The following CACUL1 variants were observed in gnomAD, a reference collection of about 807,000 sequenced individuals.
The protein encoded by CACUL1 is CDK2 associated cullin domain 1.
In CACUL1, 13 loss-of-function variants were observed where a neutral mutation model predicts 45.2. That is an observed-to-expected ratio of 0.29 (90% CI 0.19 to 0.46). The LOEUF (loss-of-function observed/expected upper bound fraction) is 0.46, where lower values mean the gene tolerates loss of function less well. Ranked by LOEUF, CACUL1 falls within the 20% of genes least tolerant of loss-of-function variation. The pLI is 1.00. For missense variants in CACUL1, 421 were observed against 471.4 expected (o/e 0.89, Z 0.99); for synonymous variants, 197 against 174.2 (o/e 1.13, Z -1.03).
intron 1 of CACUL1, among the ~76,000 whole-genome samples, chr10:118,753,608 T>C (rs1308036618): frequency 6.6e-6 from 1 of 152,186 alleles, no homozygotes; most frequent in Non-Finnish European, 1.5e-5. Context: ...TCAGAGGCAG[T>C]TTCGGATTAC....
chr10:118,698,363 C>T (rs907431183), intron 5 of CACUL1, among the ~76,000 whole-genome samples: 4 of 152,054 alleles, frequency 2.6e-5, no homozygotes, highest in African/African-American at 9.7e-5. Context: ...AGGCTGGTCT[C>T]GATCTCCTGA....
chr10:118,696,395 C>G (rs1218997321), intron 5 of CACUL1, among the ~76,000 whole-genome samples: 1 of 152,178 alleles, frequency 6.6e-6, no homozygotes, highest in African/African-American at 2.4e-5. Flanking sequence ...GTAATCCCAA[C>G]ACTTTGGGAG....
intron 1 of CACUL1, among the ~76,000 whole-genome samples, chr10:118,746,820 C>T (rs1385326356): frequency 6.6e-6 from 1 of 152,168 alleles, no homozygotes; most frequent in East Asian, 1.9e-4. Context: ...CAAATGATCA[C>T]ATGAAAAAGC....
chr10:118,730,147 G>A (rs1234124216), intron 2 of CACUL1, 137 bp downstream of exon 2: 36 of 961,200 alleles, frequency 3.7e-5, no homozygotes, highest in East Asian at 3.0e-4. Flanking sequence ...CCTCCAATCC[G>A]TAAGTGTGGA....
At chr10:118,691,887 A>AAAAG in intron 6 of CACUL1, among the ~76,000 whole-genome samples, 1 of 138,114 alleles carries the variant, frequency 7.2e-6, no homozygotes, top group Non-Finnish European at 1.7e-5. Context: ...AAAAAAAAAA[A>AAAAG]AAAGAAAAAG....
intron 1 of CACUL1, among the ~76,000 whole-genome samples, chr10:118,746,995 T>C (rs1452868744): frequency 1.3e-5 from 2 of 152,046 alleles, no homozygotes; most frequent in Non-Finnish European, 2.9e-5. Context: ...CATTACCACC[T>C]GAGCCCCACC....
Position 118,754,493 on chromosome 10 carries a change from CATCATG to C in CACUL1, c.264_269del (p.Ile88_Met89del). On this transcript the variant is annotated inframe_deletion, in exon 1 of 9. Coordinates refer to ENST00000369151, the MANE Select transcript of CACUL1 (RefSeq NM_153810.5). Reference sequence around the variant, plus strand: ...CGGCGGCCGCGTCGCAGCTCTTCAACATCATGATCACCCCATTAGCCTCCGGCGGTG... The same window carrying C: ...CGGCGGCCGCGTCGCAGCTCTTCAACATCACCCCATTAGCCTCCGGCGGTG... 6.2e-7 allele frequency: 1 copy of C among 1,613,214 alleles called. No individual in the cohort carries two copies.
At position 118,678,642 on chromosome 10, in the gene CACUL1, T is replaced by C. The variant is rs576800242; in HGVS notation, c.*7486A>G. On this transcript the variant is annotated 3_prime_UTR_variant, in exon 9 of 9. Transcript: ENST00000369151. ...AAGTTTTTTTTTTATCATTTTCTCA[T>C]TTTAAAATTTATTCTTAGGTACTTT... The C allele has an allele frequency of 6.6e-6, 1 of 152,262 alleles. No homozygotes were observed. Among genetic ancestry groups the C allele is most frequent in the African/African-American group, 2.4e-5 (1 of 41,544 alleles). 9.4% of individuals were successfully genotyped at this position (152,262 alleles called of 1,614,324 possible).
chr10:118,733,279 T>C (rs1245106568), intron 1 of CACUL1, among the ~76,000 whole-genome samples: 3 of 152,258 alleles, frequency 2.0e-5, no homozygotes, highest in Non-Finnish European at 2.9e-5. Context: ...AAAAACCAAA[T>C]TGAAAAAGGC....
At chr10:118,694,631 A>G (rs1429417970) in intron 6 of CACUL1, among the ~76,000 whole-genome samples, 2 of 152,330 alleles carry the variant, frequency 1.3e-5, no homozygotes, top group Admixed American at 1.3e-4. Flanking sequence ...AGATAGAGAG[A>G]CACATTAAGA....
intron 1 of CACUL1, among the ~76,000 whole-genome samples, chr10:118,747,065 G>C (rs1309948899): frequency 6.6e-6 from 1 of 152,118 alleles, no homozygotes; most frequent in African/African-American, 2.4e-5. Context: ...ATAACGCAAG[G>C]GATCTAGGTT....
intron 1 of CACUL1, among the ~76,000 whole-genome samples, chr10:118,740,734 G>A (rs1044642587): frequency 6.6e-6 from 1 of 152,074 alleles, no homozygotes; most frequent in Non-Finnish European, 1.5e-5. Context: ...AGACCATCCT[G>A]GCTAACACGG....
intron 5 of CACUL1, among the ~76,000 whole-genome samples, chr10:118,700,533 T>C (rs905183625): frequency 9.9e-5 from 15 of 151,970 alleles, no homozygotes; most frequent in Non-Finnish European, 4.4e-5. Flanking sequence ...CTGGCCAACA[T>C]GGTGAAACCC....
intron 4 of CACUL1, among the ~76,000 whole-genome samples, chr10:118,704,944 G>C (rs1845419271): frequency 6.6e-6 from 1 of 152,232 alleles, no homozygotes; most frequent in Non-Finnish European, 1.5e-5. Context: ...GGGCACATCA[G>C]CATGGCCGAG....
intron 3 of CACUL1, among the ~76,000 whole-genome samples, chr10:118,725,790 A>G (rs1387288783): frequency 1.3e-5 from 2 of 152,276 alleles, no homozygotes; most frequent in African/African-American, 2.4e-5. Context: ...TACATTCAAC[A>G]AATTATTCTA....
intron 1 of CACUL1, among the ~76,000 whole-genome samples, chr10:118,750,041 G>A (rs1019781732): frequency 1.3e-5 from 2 of 152,176 alleles, no homozygotes; most frequent in African/African-American, 2.4e-5. Flanking sequence ...AAATAAGAAA[G>A]GAGGGCCGGG....
At chr10:118,707,166 G>T (rs903907806) in intron 4 of CACUL1, among the ~76,000 whole-genome samples, 19 of 152,276 alleles carry the variant, frequency 1.2e-4, no homozygotes, top group Admixed American at 2.0e-4. Flanking sequence ...CTGAGGACAA[G>T]AAATCTTACA....
At chr10:118,737,847 T>C (rs1845754384) in intron 1 of CACUL1, among the ~76,000 whole-genome samples, 1 of 152,224 alleles carries the variant, frequency 6.6e-6, no homozygotes, top group Non-Finnish European at 1.5e-5. Context: ...CATACATGCA[T>C]ACACGAAAAG....
At chr10:118,721,610 T>G (rs1422401361) in intron 3 of CACUL1, among the ~76,000 whole-genome samples, 2 of 152,134 alleles carry the variant, frequency 1.3e-5, no homozygotes, top group African/African-American at 4.8e-5. Flanking sequence ...AACAGGACCC[T>G]GAATGCAGGT....
Sources: allele counts gnomAD v4.1 joint callset (sites outside exome capture counted in the v4.1 genomes callset), GRCh38; gene constraint gnomAD v4.1.1; transcripts MANE v1.5; gene names NCBI Gene and HGNC (gene_info 2026-07-23, HGNC 2026-07-21).